The following STAT5B variants were observed in gnomAD, a reference collection of about 807,000 sequenced individuals.
The protein encoded by STAT5B is signal transducer and activator of transcription 5B, also known as transcription factor STAT5B.
In STAT5B, 21 loss-of-function variants were observed where a neutral mutation model predicts 107.8. That is an observed-to-expected ratio of 0.19 (90% confidence interval 0.14 to 0.28). STAT5B has a LOEUF of 0.28. STAT5B is among the 10% of genes least tolerant of loss of function. The pLI is 1.00. For missense variants in STAT5B, 565 were observed against 1,008.2 expected, an observed-to-expected ratio of 0.56 and a Z score of 5.95; for synonymous variants, 325 against 401.7, an observed-to-expected ratio of 0.81 and a Z score of 2.28.
the STAT5B span, among the ~76,000 whole-genome samples, chr17:42,286,808 A>C: frequency 3.3e-5 from 5 of 152,248 alleles, no homozygotes; most frequent in African/African-American, 1.2e-4. Flanking sequence ...AAATGTGGCA[A>C]TGGGTTTGTA....
At chr17:42,251,843 C>G (rs1368300730) in intron 1 of STAT5B, among the ~76,000 whole-genome samples, 2 of 151,522 alleles carry the variant, frequency 1.3e-5, no homozygotes, top group Non-Finnish European at 2.9e-5. Flanking sequence ...ACTAAAAATA[C>G]AAAAAATTAG....
chr17:42,264,221 T>C (rs1434596793), intron 1 of STAT5B, among the ~76,000 whole-genome samples: 1 of 152,086 alleles, frequency 6.6e-6, no homozygotes, highest in Non-Finnish European at 1.5e-5. Context: ...TTATTTATTA[T>C]TATACTTTAA....
At chr17:42,227,101 C>G (rs893474136) in intron 3 of STAT5B, among the ~76,000 whole-genome samples, 2 of 149,446 alleles carry the variant, frequency 1.3e-5, no homozygotes, top group African/African-American at 4.9e-5. Flanking sequence ...CTCCACTGCA[C>G]TCCAGCCTGG....
intron 1 of STAT5B, among the ~76,000 whole-genome samples, chr17:42,233,143 T>C (rs1053860494): frequency 6.6e-6 from 1 of 151,976 alleles, no homozygotes; most frequent in Non-Finnish European, 1.5e-5. Context: ...AGCTGAGAGA[T>C]TTTTTTTAAA....
intron 1 of STAT5B, among the ~76,000 whole-genome samples, chr17:42,252,932 C>T (rs1358177614): frequency 1.3e-5 from 2 of 152,138 alleles, no homozygotes; most frequent in African/African-American, 2.4e-5. Context: ...TGAGTATAAA[C>T]GAAAAGCACA....
intron 16 of STAT5B, among the ~76,000 whole-genome samples, chr17:42,206,785 G>C (rs1305513216): frequency 6.6e-6 from 1 of 151,808 alleles, no homozygotes; most frequent in Non-Finnish European, 1.5e-5. Context: ...ACGTTGGTCA[G>C]GCTGGTCTTG....
intron 1 of STAT5B, among the ~76,000 whole-genome samples, chr17:42,249,379 T>A (rs1030271693): frequency 6.6e-6 from 1 of 151,476 alleles, no homozygotes; most frequent in Non-Finnish European, 1.5e-5. Flanking sequence ...GGCAACAGAG[T>A]GAGACTCTAT....
At chr17:42,231,497 A>G (rs747791526) in intron 2 of STAT5B, among the ~76,000 whole-genome samples, 2 of 152,094 alleles carry the variant, frequency 1.3e-5, no homozygotes, top group African/African-American at 2.4e-5. Flanking sequence ...GCACACCACC[A>G]CACCTGGCTA....
In STAT5B at chr17:42,201,687, A is replaced by C; in HGVS notation, c.*51T>G. On this transcript the variant is annotated 3_prime_UTR_variant, in exon 19 of 19. Coordinates refer to ENST00000293328, the MANE Select transcript of STAT5B (RefSeq NM_012448.4). ...TTCATGGAATTAAAACATCCACAAGAGTGATTCCTCTGGTGAAGATGAAGA... is the reference window on the plus strand; with the variant it reads ...TTCATGGAATTAAAACATCCACAAGCGTGATTCCTCTGGTGAAGATGAAGA... 1.7e-6 allele frequency: 2 copies of C among 1,146,124 alleles called. No individual in the cohort carries two copies. The highest frequency in any genetic ancestry group is 2.7e-6 in the Non-Finnish European group (2 of 752,380). The allele number at this position is 1,146,124 out of a possible 1,614,324, so 71.0% of individuals were successfully genotyped here.
At chr17:42,246,376 T>A (rs1170013451) in intron 1 of STAT5B, among the ~76,000 whole-genome samples, 1 of 152,110 alleles carries the variant, frequency 6.6e-6, no homozygotes, top group Non-Finnish European at 1.5e-5. Context: ...TTCAGAATTA[T>A]AAAGTAAAAA....
chr17:42,235,746 G>A (rs2080351644), intron 1 of STAT5B, among the ~76,000 whole-genome samples: 1 of 152,212 alleles, frequency 6.6e-6, no homozygotes, highest in Admixed American at 6.5e-5. Context: ...AAAGTGCTGG[G>A]ATTACAGGCG....
Position 42,210,158 on chromosome 17 carries a change from G to T in STAT5B, c.1906+13C>A. ...GCAGCTAACTTTGGACATAAGAAGG[G>T]AGGGGCACTCACGAGAATCAAACTT... On this transcript the variant is annotated intron_variant, in intron 15 of 18. Transcript: ENST00000293328. The T allele has an allele frequency of 6.2e-7, 1 of 1,614,176 alleles. No individual in the cohort carries two copies. Among genetic ancestry groups the T allele is most frequent in the Non-Finnish European group, 8.5e-7 (1 of 1,180,038 alleles).
intron 1 of STAT5B, among the ~76,000 whole-genome samples, chr17:42,240,124 G>A (rs1417574796): frequency 6.6e-6 from 1 of 152,220 alleles, no homozygotes; most frequent in Non-Finnish European, 1.5e-5. Context: ...GACAGGGCAA[G>A]CACAGCAAGA....
intron 1 of STAT5B, among the ~76,000 whole-genome samples, chr17:42,250,784 C>A (rs1210352069): frequency 6.6e-6 from 1 of 151,902 alleles, no homozygotes; most frequent in South Asian, 2.1e-4. Context: ...ATTAGCCAGG[C>A]GTGGTGGCAG....
intron 1 of STAT5B, among the ~76,000 whole-genome samples, chr17:42,240,619 G>A (rs1175913207): frequency 6.6e-6 from 1 of 152,126 alleles, no homozygotes; most frequent in Non-Finnish European, 1.5e-5. Context: ...ATTTTATAGT[G>A]CGTGATTATA....
At position 42,217,131 on chromosome 17, in the gene STAT5B, G is replaced by A. The variant is rs79070482; in HGVS notation, c.1380+29C>T. ...GTACACCACACACACACACGCACAC[G>A]CACACGCAGAGCTGAGGGAAGGCTT... On this transcript the variant is annotated intron_variant, in intron 11 of 18. Coordinates refer to ENST00000293328, the MANE Select transcript of STAT5B (RefSeq NM_012448.4). 3,524 of 1,600,232 alleles carry A rather than the reference G, an allele frequency of 2.2e-3. 75 individuals are homozygous for A. The African/African-American group carries it at 0.042, about 19-fold the overall frequency.
At chr17:42,255,367 T>C (rs771002323) in intron 1 of STAT5B, among the ~76,000 whole-genome samples, 1 of 152,178 alleles carries the variant, frequency 6.6e-6, no homozygotes, top group Non-Finnish European at 1.5e-5. Context: ...GAATCACATT[T>C]TGAAAGCTTT....
intron 1 of STAT5B, among the ~76,000 whole-genome samples, chr17:42,249,254 G>A (rs929602063): frequency 1.1e-4 from 16 of 152,118 alleles, no homozygotes; most frequent in Non-Finnish European, 1.3e-4. Flanking sequence ...TTAGCTGGGT[G>A]TGGTGGCGCG....
chr17:42,238,617 C>T (rs1431869048), intron 1 of STAT5B, among the ~76,000 whole-genome samples: 2 of 151,590 alleles, frequency 1.3e-5, no homozygotes, highest in Non-Finnish European at 2.9e-5. Context: ...CCACGCCTGG[C>T]TAATTTTGTA....
Sources: gnomAD v4.1 joint callset for allele counts (sites outside exome capture counted in the v4.1 genomes callset) on GRCh38, gnomAD v4.1.1 for gene constraint, MANE v1.5 for transcripts, NCBI Gene and HGNC (gene_info 2026-07-23, HGNC 2026-07-21) for gene names.